PHACTR3: variants seen among roughly 807,000 people sequenced by gnomAD.
PHACTR3 encodes the protein protein phosphatase 1, regulatory subunit 123.
PHACTR3 carries 16 observed loss-of-function variants against 66.8 expected under a neutral mutation model. That is an observed-to-expected ratio of 0.24 (90% CI 0.16 to 0.36). The LOEUF (loss-of-function observed/expected upper bound fraction) is 0.36, where lower values mean the gene tolerates loss of function less well. Among genes scored for constraint, PHACTR3 ranks in the 10% least tolerant of loss-of-function variants. The pLI is 1.00. For synonymous variants in PHACTR3, 323 were observed against 292.1 expected, an observed-to-expected ratio of 1.11 and a Z score of -1.08; for missense variants, 647 against 719.9, an observed-to-expected ratio of 0.90 and a Z score of 1.16.
At chr20:59,800,042 A>G (rs1266939456) in intron 7 of PHACTR3, among the ~76,000 whole-genome samples, 1 of 152,196 alleles carries the variant, frequency 6.6e-6, no homozygotes, top group East Asian at 1.9e-4. Context: ...CTCAAGCAAT[A>G]GTATGCTAAT....
intron 1 of PHACTR3, among the ~76,000 whole-genome samples, chr20:59,725,164 G>A (rs1159871075): frequency 3.3e-5 from 5 of 152,066 alleles, no homozygotes; most frequent in East Asian, 3.9e-4. Flanking sequence ...GGTGTGCTGC[G>A]TGCTCAGTAA....
chr20:59,800,409 G>A (rs1600678755), intron 7 of PHACTR3, among the ~76,000 whole-genome samples: 1 of 152,108 alleles, frequency 6.6e-6, no homozygotes, highest in East Asian at 1.9e-4. Context: ...TATTTTGAAA[G>A]ATAGTTTTTC....
intron 1 of PHACTR3, among the ~76,000 whole-genome samples, chr20:59,634,870 A>T (rs2034793455): frequency 6.6e-6 from 1 of 152,162 alleles, no homozygotes; most frequent in Non-Finnish European, 1.5e-5. Flanking sequence ...TTTAAATTTT[A>T]CTTAGCTGTA....
At chr20:59,577,589 T>TGCC (rs1217575236) in exon 1 of PHACTR3, 34 of 1,208,310 alleles carry the variant, frequency 2.8e-5, no homozygotes, top group South Asian at 4.1e-5. Flanking sequence ...CCCGGGACGC[T>TGCC]GCCGCCGCCG....
At chr20:59,763,988 G>A (rs1443191704) in intron 4 of PHACTR3, among the ~76,000 whole-genome samples, 2 of 152,156 alleles carry the variant, frequency 1.3e-5, no homozygotes, top group African/African-American at 2.4e-5. Context: ...AACTAAGCTG[G>A]GAGTATACAT....
chr20:59,773,986 C>T (rs2040443255), intron 6 of PHACTR3, among the ~76,000 whole-genome samples: 2 of 152,356 alleles, frequency 1.3e-5, no homozygotes, highest in South Asian at 4.1e-4. Flanking sequence ...AGTCCTCGCC[C>T]TGAACATTGA....
At position 59,633,964 on chromosome 20, in the gene PHACTR3, T is replaced by G. The variant is rs2034759424; in HGVS notation, c.118+28832T>G. On this transcript the variant is annotated intron_variant, in intron 1 of 12. Transcript: ENST00000371015. The stretch of plus-strand genomic sequence containing the variant: ...CATTTTGATTTTTCCAAAGAATATT[T>G]TCTCCCAAACCACTCAACTGTATAA... Among the ~76,000 whole-genome samples the G allele has an allele frequency of 2.0e-5, 3 of 152,218 alleles. No homozygotes were observed. The South Asian group carries it at 6.2e-4, about 32-fold the overall frequency.
At chr20:59,640,132 C>A (rs1361827290) in intron 1 of PHACTR3, among the ~76,000 whole-genome samples, 1 of 152,244 alleles carries the variant, frequency 6.6e-6, no homozygotes, top group Non-Finnish European at 1.5e-5. Context: ...GTCTCAGACC[C>A]TGGGTCAGCC....
intron 5 of PHACTR3, 26 bp from the exon 6 acceptor site, chr20:59,773,253 T>C: frequency 6.2e-7 from 1 of 1,604,212 alleles, no homozygotes; most frequent in Middle Eastern, 1.7e-4. Context: ...AGACCTATGT[T>C]CTTGCTGCTT....
At chr20:59,639,158 G>C (rs1003165775) in intron 1 of PHACTR3, among the ~76,000 whole-genome samples, 13 of 152,038 alleles carry the variant, frequency 8.6e-5, no homozygotes, top group Admixed American at 8.5e-4. Context: ...GTAGGTGGGT[G>C]GGTGGGTCTG....
chr20:59,778,476 G>A (rs541957962), intron 7 of PHACTR3, among the ~76,000 whole-genome samples: 1 of 152,140 alleles, frequency 6.6e-6, no homozygotes, highest in Non-Finnish European at 1.5e-5. Flanking sequence ...TTAAAACATC[G>A]CTCAGTGCAG....
intron 1 of PHACTR3, among the ~76,000 whole-genome samples, chr20:59,650,052 C>T (rs2035411541): frequency 6.6e-6 from 1 of 152,014 alleles, no homozygotes; most frequent in Non-Finnish European, 1.5e-5. Context: ...AAATAATATT[C>T]ACAATGCAAT....
intron 1 of PHACTR3, among the ~76,000 whole-genome samples, chr20:59,707,008 G>T (rs1317835392): frequency 1.3e-5 from 2 of 152,198 alleles, no homozygotes; most frequent in African/African-American, 4.8e-5. Context: ...TTTGCATAAA[G>T]AATCTTTTAG....
Position 59,820,047 on chromosome 20 carries a change from C to T in PHACTR3, c.1328+13853C>T, listed in dbSNP as rs998494910. ...CCAGGGGGACCGTTGCTGGGGCTTC[C>T]GGTCTCTCTTTGTTTAGAAATCTCA... is the stretch of plus-strand genomic sequence containing the variant. On this transcript the variant is annotated intron_variant, in intron 8 of 12. Coordinates refer to ENST00000371015, the MANE Select transcript of PHACTR3 (RefSeq NM_080672.5). This position sits in a 1 kb window ranked among gnomAD's most constrained non-coding sequence, Gnocchi z 4.6. 3.3e-5 allele frequency among the ~76,000 whole-genome samples: 5 copies of T among 152,252 alleles called. No homozygotes were observed. The highest frequency in any genetic ancestry group is 4.4e-5 in the Non-Finnish European group (3 of 68,008).
chr20:59,748,692 C>A (rs2039461249), intron 3 of PHACTR3, among the ~76,000 whole-genome samples: 1 of 152,188 alleles, frequency 6.6e-6, no homozygotes, highest in Non-Finnish European at 1.5e-5. Context: ...CACAACACCT[C>A]ACTGCCTCTG....
chr20:59,796,016 G>C (rs1459675515), intron 7 of PHACTR3, among the ~76,000 whole-genome samples: 1 of 151,874 alleles, frequency 6.6e-6, no homozygotes, highest in Non-Finnish European at 1.5e-5. Flanking sequence ...TTGTTTTCTG[G>C]TTATTTTATA....
chr20:59,824,738 T>C lies in PHACTR3; in HGVS notation c.1329-11767T>C, dbSNP rs538732781. 3.3e-5 allele frequency among the ~76,000 whole-genome samples: 5 copies of C among 152,310 alleles called. No individual in the cohort carries two copies. The South Asian group carries it at 1.0e-3, about 32-fold the overall frequency. ...GCATCTGTCATTTTTGACCTGAGCA[T>C]TGACCACCAGGGAATGCCCCTGATT... On this transcript the variant is annotated intron_variant, in intron 8 of 12. Coordinates refer to ENST00000371015, the MANE Select transcript of PHACTR3 (RefSeq NM_080672.5).
intron 1 of PHACTR3, among the ~76,000 whole-genome samples, chr20:59,609,480 A>AC (rs1285369183): frequency 9.1e-5 from 6 of 66,150 alleles, no homozygotes; most frequent in African/African-American, 3.4e-4. Context: ...TCCCACCCCC[A>AC]CCCCCACCCT....
rs535039803 is a variant in PHACTR3 at position 59,800,372 on chromosome 20, T to A, written c.1175-5669T>A. Among the ~76,000 whole-genome samples, 48 of 152,304 alleles carry A rather than the reference T, an allele frequency of 3.2e-4. No individual in the cohort carries two copies. The East Asian group carries it at 5.4e-3, about 17-fold the overall frequency. On this transcript the variant is annotated intron_variant, in intron 7 of 12. Coordinates refer to ENST00000371015, the MANE Select transcript of PHACTR3 (RefSeq NM_080672.5). Reference sequence around the variant, plus strand: ...GTGATGAAATCTTCCAGCTTTTTTATGTCCAAGAAGGTACTTATTTTGTCT... The same window carrying A: ...GTGATGAAATCTTCCAGCTTTTTTAAGTCCAAGAAGGTACTTATTTTGTCT...
Sources: gnomAD v4.1 joint callset for allele counts (sites outside exome capture counted in the v4.1 genomes callset) on GRCh38, gnomAD v4.1.1 for gene constraint, Gnocchi (gnomAD v3.1) non-coding constraint, MANE v1.5 for transcripts, NCBI Gene and HGNC (gene_info 2026-07-23, HGNC 2026-07-21) for gene names.